COL23A1: variants seen among roughly 807,000 people sequenced by gnomAD.
The protein encoded by COL23A1 is collagen type XXIII alpha 1 chain.
Under a neutral mutation model 99.3 loss-of-function variants are expected in COL23A1, and 97 were observed. The observed-to-expected ratio is 0.98, with a 90% CI of 0.83 to 1.16. The LOEUF is 1.16. Among genes scored for constraint, COL23A1 ranks in the 50% most tolerant of loss-of-function variants. The pLI, the probability that COL23A1 is intolerant of heterozygous loss-of-function variation, is 0.00. For missense variants in COL23A1, 762 were observed against 757.4 expected, an observed-to-expected ratio of 1.01 and a Z score of -0.07; for synonymous variants, 320 against 308.2, an observed-to-expected ratio of 1.04 and a Z score of -0.40.
At chr5:178,300,283 G>A (rs1016167973) in intron 3 of COL23A1, among the ~76,000 whole-genome samples, 1 of 149,668 alleles carries the variant, frequency 6.7e-6, no homozygotes, top group African/African-American at 2.5e-5. Flanking sequence ...GGCCGGGCTG[G>A]TCTTGAACTC....
intron 2 of COL23A1, among the ~76,000 whole-genome samples, chr5:178,410,230 AT>A (rs1764989222): frequency 6.6e-6 from 1 of 152,234 alleles, no homozygotes; most frequent in Admixed American, 6.5e-5. Context: ...TTTGTGAAAA[AT>A]ATCCAACCTC....
chr5:178,286,456 T>TA (rs1283758814), intron 5 of COL23A1, among the ~76,000 whole-genome samples: 1 of 152,198 alleles, frequency 6.6e-6, no homozygotes, highest in East Asian at 1.9e-4. Flanking sequence ...GGGAGCCCGA[T>TA]ACCACCCCCA....
rs1279768855 is a variant in COL23A1 at position 178,288,222 on chromosome 5, A to G, written c.441+102T>C. 108 of 1,020,356 alleles carry G rather than the reference A, an allele frequency of 1.1e-4. 1 individual carries two copies. The East Asian group carries it at 2.5e-3, about 23-fold the overall frequency. The allele number at this position is 1,020,356 out of a possible 1,614,324, so 63.2% of individuals were successfully genotyped here. A position where few individuals can be genotyped will look rare whatever the true frequency, so the allele number is the denominator to read the frequency against. ...AGAAAGACCACGGCTGCTGAGGAGCAGAAGAGACAGGAGCGCAGACAGAGT... is the reference window on the plus strand; with the variant it reads ...AGAAAGACCACGGCTGCTGAGGAGCGGAAGAGACAGGAGCGCAGACAGAGT... On this transcript the variant is annotated intron_variant, in intron 5 of 28. Transcript: ENST00000390654.
chr5:178,533,966 CCAGTATCAGCAAA>C (rs1760794814), intron 2 of COL23A1, among the ~76,000 whole-genome samples: 1 of 152,302 alleles, frequency 6.6e-6, no homozygotes, highest in African/African-American at 2.4e-5. Flanking sequence ...GGAGTTTGGT[CCAGTATCAGCAAA>C]CTCTCTCTCT....
chr5:178,277,355 G>C (rs1428817010), intron 5 of COL23A1, among the ~76,000 whole-genome samples: 1 of 152,256 alleles, frequency 6.6e-6, no homozygotes, highest in Non-Finnish European at 1.5e-5. Context: ...GACAGAGCGA[G>C]ACTTTGTCTC....
chr5:178,355,121 T>C (rs1761565200), intron 2 of COL23A1, among the ~76,000 whole-genome samples: 2 of 152,036 alleles, frequency 1.3e-5, no homozygotes, highest in African/African-American at 2.4e-5. Context: ...ATTTACATCA[T>C]ATTAGGCATT....
intron 2 of COL23A1, among the ~76,000 whole-genome samples, chr5:178,527,020 G>A (rs192941746): frequency 1.2e-3 from 189 of 152,362 alleles, no homozygotes; most frequent in African/African-American, 4.3e-3. Flanking sequence ...CAGCCAGGAC[G>A]GGGAGGGGGA....
chr5:178,416,403 G>GC (rs1765312646), intron 2 of COL23A1, among the ~76,000 whole-genome samples: 1 of 152,136 alleles, frequency 6.6e-6, no homozygotes, highest in African/African-American at 2.4e-5. Context: ...TCTCCTTGGT[G>GC]CCTGGATCAG....
At chr5:178,388,703 C>T (rs1763801278) in intron 2 of COL23A1, among the ~76,000 whole-genome samples, 1 of 152,184 alleles carries the variant, frequency 6.6e-6, no homozygotes, top group Non-Finnish European at 1.5e-5. Context: ...GAGTGGCCTC[C>T]CTGCCTCCAG....
intron 2 of COL23A1, among the ~76,000 whole-genome samples, chr5:178,437,029 G>A (rs1488972180): frequency 6.6e-6 from 1 of 152,068 alleles, no homozygotes; most frequent in Admixed American, 6.6e-5. Context: ...ACAGGGATTT[G>A]AACCTGGGAC....
At chr5:178,328,182 G>A (rs1759801410) in intron 2 of COL23A1, among the ~76,000 whole-genome samples, 1 of 152,184 alleles carries the variant, frequency 6.6e-6, no homozygotes, top group African/African-American at 2.4e-5. Context: ...CACGGCGAAT[G>A]TCTGGGGCCA....
intron 2 of COL23A1, among the ~76,000 whole-genome samples, chr5:178,545,590 C>G (rs577314138): frequency 2.6e-5 from 4 of 152,138 alleles, no homozygotes; most frequent in African/African-American, 9.7e-5. Context: ...AAAGGAACCT[C>G]GAGTTCAAGG....
intron 1 of COL23A1, among the ~76,000 whole-genome samples, chr5:178,578,861 G>C (rs769319824): frequency 6.6e-6 from 1 of 151,902 alleles, no homozygotes; most frequent in Non-Finnish European, 1.5e-5. Context: ...CTTAATTAAA[G>C]CAAATTGATT....
intron 2 of COL23A1, among the ~76,000 whole-genome samples, chr5:178,437,855 C>T (rs956210968): frequency 6.6e-6 from 1 of 152,134 alleles, no homozygotes; most frequent in Non-Finnish European, 1.5e-5. Context: ...CCCAGGACCC[C>T]AACCAGCAAG....
At chr5:178,274,080 C>G (rs996636710) in intron 5 of COL23A1, among the ~76,000 whole-genome samples, 1 of 152,246 alleles carries the variant, frequency 6.6e-6, no homozygotes, top group African/African-American at 2.4e-5. Flanking sequence ...TTGAGTAAGT[C>G]TGAGAAACAC....
At chr5:178,573,112 CT>C (rs1330020550) in intron 1 of COL23A1, among the ~76,000 whole-genome samples, 1 of 152,166 alleles carries the variant, frequency 6.6e-6, no homozygotes, top group African/African-American at 2.4e-5. Flanking sequence ...GATGCATTCC[CT>C]ATCTAGACTG....
chr5:178,249,293 C>T, intron 18 of COL23A1, 87 bp from the exon 19 acceptor site: 2 of 1,289,000 alleles, frequency 1.6e-6, no homozygotes, highest in South Asian at 2.4e-5. Flanking sequence ...TTAGTTCATG[C>T]TAGGGCCCCA....
rs1363248221 is a variant in COL23A1 at position 178,539,005 on chromosome 5, A to G, written c.361+21677T>C. 2.6e-5 allele frequency among the ~76,000 whole-genome samples: 4 copies of G among 152,222 alleles called. No homozygotes were observed. In the South Asian group the frequency reaches 8.3e-4, roughly 32 times the overall value. ...CCACATGTTGTGTGATTCCATTTCC[A>G]TGAGATGTCCGGAAAAGGCAAGGCT... On this transcript the variant is annotated intron_variant, in intron 2 of 28. Coordinates refer to ENST00000390654, the MANE Select transcript of COL23A1 (RefSeq NM_173465.4).
intron 2 of COL23A1, among the ~76,000 whole-genome samples, chr5:178,322,324 G>C (rs564882142): frequency 6.6e-6 from 1 of 152,134 alleles, no homozygotes; most frequent in Admixed American, 6.5e-5. Context: ...TAGTAGAGAC[G>C]GGGTTTCGCC....
Sources: gnomAD v4.1 joint callset for allele counts (sites outside exome capture counted in the v4.1 genomes callset) on GRCh38, gnomAD v4.1.1 for gene constraint, MANE v1.5 for transcripts, NCBI Gene and HGNC (gene_info 2026-07-23, HGNC 2026-07-21) for gene names.